Variants in TNFAIP8 observed in about 807,000 individuals in gnomAD.
The protein encoded by TNFAIP8 is tumor necrosis factor alpha-induced protein 8.
A neutral mutation model predicts 13.3 loss-of-function variants in TNFAIP8; 7 were observed. The ratio of observed to expected loss-of-function variants is 0.52; its 90% confidence interval spans 0.30 to 0.99. The LOEUF (loss-of-function observed/expected upper bound fraction) is 0.99. TNFAIP8 is among the 50% of genes least tolerant of loss of function. The pLI is 0.07. For synonymous variants in TNFAIP8, 94 were observed against 87.6 expected (o/e 1.07, Z -0.41); for missense variants, 258 against 236.9 (o/e 1.09, Z -0.58).
rs1003464918 is a variant in TNFAIP8 at position 119,393,021 on chromosome 5, C to G, written c.237C>G (p.Val79=). ...EKIIKNLIKT[V]IKLAILYRNN... ...TCATCAAGAACCTCATCAAGACAGT[C>G]ATCAAGCTGGCCATTCTTTATAGGA... Residue 79 remains valine (V), a synonymous_variant, in exon 2 of 2, where the codon GTC becomes GTG. Transcript: ENST00000504771. 2.5e-6 allele frequency: 4 copies of G among 1,613,222 alleles called. No homozygotes were observed. The highest frequency in any genetic ancestry group is 2.5e-6 in the Non-Finnish European group (3 of 1,179,662).
chr5:119,284,045 G>A (rs1748708100), intron 1 of TNFAIP8, among the ~76,000 whole-genome samples: 1 of 152,142 alleles, frequency 6.6e-6, no homozygotes, highest in Admixed American at 6.5e-5. Context: ...CTTACTATGT[G>A]CCAGGCACTG....
chr5:119,391,411 G>T (rs915722337), intron 1 of TNFAIP8: 3 of 702,178 alleles, frequency 4.3e-6, no homozygotes, highest in Non-Finnish European at 7.8e-6. Flanking sequence ...GTTGCCACTC[G>T]ACTCAGAGAT....
At chr5:119,337,784 G>C (rs572379037) in intron 1 of TNFAIP8, among the ~76,000 whole-genome samples, 1 of 152,164 alleles carries the variant, frequency 6.6e-6, no homozygotes, top group Non-Finnish European at 1.5e-5. Flanking sequence ...TGGAGAATGA[G>C]AGTGCTCAGT....
chr5:119,322,610 A>T (rs749457146), intron 1 of TNFAIP8, among the ~76,000 whole-genome samples: 1 of 152,156 alleles, frequency 6.6e-6, no homozygotes, highest in Non-Finnish European at 1.5e-5. Flanking sequence ...CTGTAGACAG[A>T]CTGGTCCTCC....
intron 1 of TNFAIP8, among the ~76,000 whole-genome samples, chr5:119,324,223 C>T (rs1283060513): frequency 7.7e-6 from 1 of 129,138 alleles, no homozygotes; most frequent in African/African-American, 3.0e-5. Context: ...TGCAGTGAGC[C>T]GAGATCGCGC....
chr5:119,310,853 C>T (rs1749708119), intron 1 of TNFAIP8, among the ~76,000 whole-genome samples: 1 of 151,666 alleles, frequency 6.6e-6, no homozygotes, highest in Admixed American at 6.6e-5. Flanking sequence ...TCAATCAATA[C>T]ATTTCTCTGA....
chr5:119,272,146 G>A (rs1748310898), intron 1 of TNFAIP8, among the ~76,000 whole-genome samples: 1 of 152,182 alleles, frequency 6.6e-6, no homozygotes, highest in Non-Finnish European at 1.5e-5. Flanking sequence ...ACAAGTGGAG[G>A]GTAGATAATT....
At chr5:119,384,633 A>T (rs1752605232) in intron 1 of TNFAIP8, among the ~76,000 whole-genome samples, 1 of 152,238 alleles carries the variant, frequency 6.6e-6, no homozygotes, top group East Asian at 1.9e-4. Flanking sequence ...TCTTGTGGAT[A>T]TAAACCTCTG....
chr5:119,292,972 ATCTTTATCTG>A (rs1288439973), intron 1 of TNFAIP8, among the ~76,000 whole-genome samples: 3 of 151,942 alleles, frequency 2.0e-5, no homozygotes, highest in Non-Finnish European at 4.4e-5. Context: ...AATAGTATTT[ATCTTTATCTG>A]TCTGACTTTT....
chr5:119,371,618 GA>G (rs11312189), intron 1 of TNFAIP8, among the ~76,000 whole-genome samples: 113,070 of 152,112 alleles, frequency 0.74, 43,145 homozygotes, highest in African/African-American at 0.93. Flanking sequence ...CAAAAGACTT[GA>G]ATTCATTTTT....
intron 1 of TNFAIP8, among the ~76,000 whole-genome samples, chr5:119,291,147 TC>T (rs1298868637): frequency 6.6e-6 from 1 of 152,244 alleles, no homozygotes; most frequent in Non-Finnish European, 1.5e-5. Flanking sequence ...TTTGCCCATG[TC>T]CCTTGATCAC....
chr5:119,387,328 C>T (rs1355956991), intron 1 of TNFAIP8, among the ~76,000 whole-genome samples: 1 of 152,174 alleles, frequency 6.6e-6, no homozygotes, highest in Non-Finnish European at 1.5e-5. Context: ...TAACAGACAA[C>T]AGCCAGACAT....
chr5:119,384,044 G>A, intron 1 of TNFAIP8, among the ~76,000 whole-genome samples: 1 of 152,162 alleles, frequency 6.6e-6, no homozygotes, highest in Non-Finnish European at 1.5e-5. Flanking sequence ...GTAACAGCTT[G>A]GAGTTGGACA....
intron 1 of TNFAIP8, among the ~76,000 whole-genome samples, chr5:119,332,857 G>A (rs1248031154): frequency 6.6e-6 from 1 of 152,096 alleles, no homozygotes; most frequent in Admixed American, 6.5e-5. Flanking sequence ...TGTGTATTGT[G>A]TATGCCTGGA....
At chr5:119,283,335 T>C (rs1370588674) in intron 1 of TNFAIP8, among the ~76,000 whole-genome samples, 1 of 152,098 alleles carries the variant, frequency 6.6e-6, no homozygotes, top group Non-Finnish European at 1.5e-5. Flanking sequence ...ATGATGAAAA[T>C]GATCAAGGAG....
chr5:119,346,782 T>C (rs1750914108), intron 1 of TNFAIP8, among the ~76,000 whole-genome samples: 1 of 152,226 alleles, frequency 6.6e-6, no homozygotes, highest in Non-Finnish European at 1.5e-5. Context: ...AGACAAAATA[T>C]CCTGCACACC....
rs1420806372 is a variant in TNFAIP8, at chr5:119,292,669, TATATATATATATATATACACACACAC to T, written c.1+23764_1+23789del. On this transcript the variant is annotated intron_variant, in intron 1 of 1. Coordinates refer to the TNFAIP8 transcript ENST00000274456. Reference sequence around the variant, plus strand: ...GCATATATATATATATATATATATATATATATATATATATATACACACACACACAATGAAATACTATTTAGCAATAA... The same window carrying T: ...GCATATATATATATATATATATATATACAATGAAATACTATTTAGCAATAA... Among the ~76,000 whole-genome samples the T allele has an allele frequency of 5.3e-3, 234 of 44,186 alleles. 27 individuals are homozygous for T. The East Asian group carries it at 0.25, about 48-fold the overall frequency. 29.0% of individuals were successfully genotyped at this position (44,186 alleles called of 152,430 possible).
rs369471468 is a variant in TNFAIP8, at chr5:119,294,202, C to G, written c.1+25295C>G. On this transcript the variant is annotated intron_variant, in intron 1 of 1. Coordinates refer to the TNFAIP8 transcript ENST00000274456. The stretch of plus-strand genomic sequence containing the variant: ...CTAATGCTATCCCTCCCCCCTCCCC[C>G]CAACCCACAACAGTCCCCAGAGTGT... 3.8e-4 allele frequency among the ~76,000 whole-genome samples: 57 copies of G among 148,706 alleles called. No homozygotes were observed. In the East Asian group the frequency reaches 0.01, roughly 26 times the overall value.
intron 1 of TNFAIP8, among the ~76,000 whole-genome samples, chr5:119,369,245 G>A (rs1285234814): frequency 6.6e-6 from 1 of 151,950 alleles, no homozygotes; most frequent in Non-Finnish European, 1.5e-5. Context: ...TTAGAGATGG[G>A]ATTTCACCAT....
Sources: allele counts gnomAD v4.1 joint callset (sites outside exome capture counted in the v4.1 genomes callset), GRCh38; gene constraint gnomAD v4.1.1; transcripts MANE v1.5; gene names NCBI Gene and HGNC (gene_info 2026-07-23, HGNC 2026-07-21).